The following DDX18 variants were observed in gnomAD, a reference collection of about 807,000 sequenced individuals.
DDX18 encodes the protein DEAD-box helicase 18, also known as ATP-dependent RNA helicase DDX18.
A neutral mutation model predicts 73.5 loss-of-function variants in DDX18; 23 were observed. The observed-to-expected ratio is 0.31, with a 90% CI of 0.23 to 0.44. The LOEUF is 0.44. DDX18 is among the 20% of genes least tolerant of loss of function. DDX18 has a pLI of 1.00. For missense variants in DDX18, 753 were observed against 792.9 expected (o/e 0.95, Z 0.60); for synonymous variants, 268 against 282.7 (o/e 0.95, Z 0.52).
intron 5 of DDX18, 40 bp from the exon 6 acceptor site, chr2:117,821,822 T>G: frequency 6.2e-7 from 1 of 1,613,460 alleles, no homozygotes; most frequent in Non-Finnish European, 8.5e-7. Context: ...GACTCAGTGG[T>G]GACAGCCACA....
intron 3 of DDX18, 138 bp downstream of exon 3, chr2:117,819,930 TTCTGC>T: frequency 1.3e-6 from 1 of 752,970 alleles, no homozygotes; most frequent in East Asian, 3.3e-5. Context: ...TTTTATATCT[TTCTGC>T]TGCTTTTTCT....
Position 117,830,720 on chromosome 2 carries a change from A to C in DDX18, c.2009A>C (p.His670Pro), listed in dbSNP as rs1273661993. The C allele has an allele frequency of 1.2e-6, 2 of 1,613,132 alleles. No homozygotes were observed. Among genetic ancestry groups the C allele is most frequent in the Admixed American group, 3.3e-5 (2 of 59,832 alleles). Residue 670 changes from histidine (H) to proline (P), a missense_variant, in exon 14 of 14, where the codon CAC (histidine) becomes CCC (proline). Around this residue, in one of 3 missense-constraint regions of DDX18, gnomAD observed 402 missense variants for 419.4 expected, o/e 0.96. Transcript: ENST00000263239. ...KKSSDSRQFS[H>P] is the part of the protein sequence containing the mutation. ...TCATCTGACAGCAGGCAGTTCTCTC[A>C]CTGAACACATGCCTTCCTTTCATCT...
chr2:117,826,339 G>A lies in DDX18; in HGVS notation c.1592G>A (p.Arg531His), dbSNP rs199589040. 8.6e-5 allele frequency: 139 copies of A among 1,613,974 alleles called. No homozygotes were observed. Among genetic ancestry groups the A allele is most frequent in the African/African-American group, 2.4e-4 (18 of 74,990 alleles). ...NGRGHALLIL[R>H]PEELGFLRYL... ...AGAGGGCATGCCTTGCTCATTTTGCGCCCAGAAGAATTGGGTTTTCTTCGC... is the reference window on the plus strand; with the variant it reads ...AGAGGGCATGCCTTGCTCATTTTGCACCCAGAAGAATTGGGTTTTCTTCGC... The change falls in exon 11 of 14, where the codon CGC becomes CAC. Residue 531 changes from arginine to histidine, a missense_variant. By Grantham distance (29) the Arg-to-His change is conservative. Coordinates refer to ENST00000263239, the MANE Select transcript of DDX18 (RefSeq NM_006773.4).
At position 117,819,800 on chromosome 2, in the gene DDX18, C is replaced by T. The variant is rs1679816585; in HGVS notation, c.514+8C>T. ...TGCCCCTGGGACTGACAGGTAACGT[C>T]CAGGAAGTTTTCTAGAGGTAACTTC... On this transcript the variant is annotated splice_region_variant and intron_variant, in intron 3 of 13. Coordinates refer to ENST00000263239, the MANE Select transcript of DDX18 (RefSeq NM_006773.4). 3 of 1,556,552 alleles carry T rather than the reference C, an allele frequency of 1.9e-6. No homozygotes were observed. The highest frequency in any genetic ancestry group is 1.7e-6 in the Non-Finnish European group (2 of 1,156,914).
rs1224700814 is a variant in DDX18 at position 117,831,531 on chromosome 2, GCTC to G, written c.*811_*813del. On this transcript the variant is annotated 3_prime_UTR_variant, in exon 14 of 14. Coordinates refer to ENST00000263239, the MANE Select transcript of DDX18 (RefSeq NM_006773.4). ...AGACTTTCATACAAAGAACGATGAT[GCTC>G]CTCATTAAGATTTGTTTAATTCAAG... The G allele has an allele frequency of 1.3e-5, 2 of 152,128 alleles. No individual in the cohort carries two copies. Among genetic ancestry groups the G allele is most frequent in the Non-Finnish European group, 2.9e-5 (2 of 68,048 alleles). The allele number at this position is 152,128 out of a possible 1,614,324, so 9.4% of individuals were successfully genotyped here.
Position 117,830,603 on chromosome 2 carries a change from A to C in DDX18, c.1892A>C (p.Lys631Thr), listed in dbSNP as rs767763463. ...CCAGACGTCAACAGTAATGAAGGCA[A>C]GCAGAAAAAGCGAGGAGGTGGTGGT... ...VDLNVNSNEG[K>T]QKKRGGGGGF... Residue 631 changes from lysine (K) to threonine (T), a missense_variant, in exon 14 of 14, where the codon AAG (lysine) becomes ACG (threonine). Physicochemically the swap from Lys to Thr is moderately conservative, Grantham distance 78. Around this residue, in one of 3 missense-constraint regions of DDX18, gnomAD observed 402 missense variants for 419.4 expected, o/e 0.96. Coordinates refer to ENST00000263239, the MANE Select transcript of DDX18 (RefSeq NM_006773.4). 1.9e-6 allele frequency: 3 copies of C among 1,613,668 alleles called. No homozygotes were observed. The highest frequency in any genetic ancestry group is 1.3e-5 in the African/African-American group (1 of 75,002).
intron 11 of DDX18, chr2:117,826,728 T>C: frequency 4.0e-6 from 1 of 248,762 alleles, no homozygotes; most frequent in Non-Finnish European, 8.0e-6. Context: ...TTACCTCATG[T>C]GAAGCAGTGG....
chr2:117,830,769 A>T lies in DDX18; in HGVS notation c.*45A>T, dbSNP rs748337768. 19 of 1,596,058 alleles carry T rather than the reference A, an allele frequency of 1.2e-5. No homozygotes were observed. In the African/African-American group the frequency reaches 1.6e-4, roughly 14 times the overall value. ...CTTGAATAACTTTGTCCTAAAATGA[A>T]TTTTTTTTCCCCTTGATTTAACAGG... is the stretch of plus-strand genomic sequence containing the variant. On this transcript the variant is annotated 3_prime_UTR_variant, in exon 14 of 14. Coordinates refer to ENST00000263239, the MANE Select transcript of DDX18 (RefSeq NM_006773.4).
In DDX18 at chr2:117,825,004, G is replaced by A. The variant is rs200592675; in HGVS notation, c.1271G>A (p.Arg424Gln). ...CTCTTTACATTCCTTAAGAAGAACCGAAAGAAGAAGCTTATGGTCTTCTTT... is the reference window on the plus strand; with the variant it reads ...CTCTTTACATTCCTTAAGAAGAACCAAAAGAAGAAGCTTATGGTCTTCTTT... ...LLLFTFLKKN[R>Q]KKKLMVFFSS... The change falls in exon 9 of 14, where the codon CGA (arginine) becomes CAA (glutamine). Residue 424 changes from arginine (R) to glutamine (Q), a missense_variant. Coordinates refer to ENST00000263239, the MANE Select transcript of DDX18 (RefSeq NM_006773.4). 1.3e-5 allele frequency: 21 copies of A among 1,613,644 alleles called. No homozygotes were observed. The East Asian group carries it at 2.5e-4, about 19-fold the overall frequency.
At position 117,814,746 on chromosome 2, in the gene DDX18, T is replaced by C. The variant is rs368968488; in HGVS notation, c.-32T>C. 3.7e-5 allele frequency: 60 copies of C among 1,610,326 alleles called. No homozygotes were observed. The African/African-American group carries it at 6.8e-4, about 18-fold the overall frequency. On this transcript the variant is annotated 5_prime_UTR_variant, in exon 1 of 14. Coordinates refer to ENST00000263239, the MANE Select transcript of DDX18 (RefSeq NM_006773.4). ...CTGAGAACTGAGTAGCTGTACTGTG[T>C]GGCGCCTTATTCTAGGCACTTGTTG...
At chr2:117,814,959 A>T (rs1357112325) in intron 1 of DDX18, 97 bp downstream of exon 1, 1 of 1,256,360 alleles carries the variant, frequency 8.0e-7, no homozygotes, top group Admixed American at 1.7e-5. Flanking sequence ...TGACGGAGGC[A>T]GCTTCCCCTG....
intron 1 of DDX18, 56 bp downstream of exon 1, chr2:117,814,918 T>G: frequency 1.3e-6 from 2 of 1,592,962 alleles, no homozygotes; most frequent in Non-Finnish European, 1.7e-6. Flanking sequence ...CCCTGGCGCG[T>G]TCGGGCGGCC....
At chr2:117,819,836 G>T (rs1423391012) in intron 3 of DDX18, 44 bp downstream of exon 3, 2 of 1,518,876 alleles carry the variant, frequency 1.3e-6, no homozygotes, top group Non-Finnish European at 1.8e-6. Flanking sequence ...TTTAAAATGT[G>T]CCTCTCTTAG....
chr2:117,828,828 C>A, intron 11 of DDX18, 121 bp from the exon 12 acceptor site: 1 of 687,558 alleles, frequency 1.5e-6, no homozygotes, highest in Non-Finnish European at 2.5e-6. Context: ...CTAGAAAAAG[C>A]AGATTTTCCT....
chr2:117,815,717 C>T (rs1475266066), intron 1 of DDX18: 1 of 152,132 alleles, frequency 6.6e-6, no homozygotes, highest in Non-Finnish European at 1.5e-5. Flanking sequence ...TACTTTTCAG[C>T]GCATATGTAA....
intron 5 of DDX18, 21 bp downstream of exon 5, chr2:117,821,771 T>G (rs1289298067): frequency 1.2e-6 from 2 of 1,613,894 alleles, no homozygotes; most frequent in Non-Finnish European, 1.7e-6. Flanking sequence ...ATCTGCTTGT[T>G]TCTGCCATTA....
At chr2:117,825,191 A>C in intron 9 of DDX18, 90 bp downstream of exon 9, 1 of 1,480,772 alleles carries the variant, frequency 6.8e-7, no homozygotes, top group Non-Finnish European at 9.1e-7. Context: ...TCTCCTGGAA[A>C]CATTGTTCTG....
intron 2 of DDX18, 22 bp from the exon 3 acceptor site, chr2:117,819,627 A>AT: frequency 1.3e-6 from 2 of 1,545,972 alleles, no homozygotes; most frequent in Middle Eastern, 2.4e-4. Flanking sequence ...ATTTTTTCGG[A>AT]TTTTGTCTTT....
At chr2:117,820,824 T>C (rs1679833392) in intron 3 of DDX18, among the ~76,000 whole-genome samples, 1 of 152,210 alleles carries the variant, frequency 6.6e-6, no homozygotes, top group Non-Finnish European at 1.5e-5. Context: ...TTTTCACTTT[T>C]ATATCAGATT....
Sources: gnomAD v4.1 joint callset for allele counts (sites outside exome capture counted in the v4.1 genomes callset) on GRCh38, gnomAD v4.1.1 for gene constraint, gnomAD v4.1.1 regional missense constraint, MANE v1.5 for transcripts, NCBI Gene and HGNC (gene_info 2026-07-23, HGNC 2026-07-21) for gene names.